MYH9: variants seen among roughly 807,000 people sequenced by gnomAD.
MYH9 encodes myosin heavy chain 9, also known as myosin-9.
A neutral mutation model predicts 241.9 loss-of-function variants in MYH9; 29 were observed. That is an observed-to-expected ratio of 0.12 (90% CI 0.09 to 0.16). The LOEUF (loss-of-function observed/expected upper bound fraction) is 0.16. Among genes scored for constraint, MYH9 ranks in the 10% least tolerant of loss-of-function variants. The pLI is 1.00. For synonymous variants in MYH9, 1,047 were observed against 1,062.6 expected, an observed-to-expected ratio of 0.99 and a Z score of 0.29; for missense variants, 1,803 against 2,595.5, an observed-to-expected ratio of 0.69 and a Z score of 6.63.
intron 2 of MYH9, among the ~76,000 whole-genome samples, chr22:36,342,672 C>T (rs1236967003): frequency 6.6e-6 from 1 of 152,108 alleles, no homozygotes; most frequent in Non-Finnish European, 1.5e-5. Context: ...GCAAGACTCC[C>T]AAGACCACCC....
chr22:36,318,660 C>T (rs979157061), intron 10 of MYH9, among the ~76,000 whole-genome samples: 11 of 152,168 alleles, frequency 7.2e-5, no homozygotes, highest in African/African-American at 9.7e-5. Context: ...CACTCTCAGC[C>T]GCACTCCTCA....
chr22:36,300,826 C>T lies in MYH9; in HGVS notation c.2838+25G>A. On this transcript the variant is annotated intron_variant, in intron 22 of 40. Transcript: ENST00000216181. This position sits in a 1 kb window ranked among gnomAD's most constrained non-coding sequence, Gnocchi z 5.0. Reference sequence around the variant, plus strand: ...CCGCCCTGCCCCTCCGGCGCCACCCCTCCCCGGGTGCAGCGGGCAGGAACC... The same window carrying T: ...CCGCCCTGCCCCTCCGGCGCCACCCTTCCCCGGGTGCAGCGGGCAGGAACC... The T allele has an allele frequency of 1.9e-6, 3 of 1,599,194 alleles. No individual in the cohort carries two copies. Among genetic ancestry groups the T allele is most frequent in the Non-Finnish European group, 2.5e-6 (3 of 1,179,826 alleles).
intron 1 of MYH9, among the ~76,000 whole-genome samples, chr22:36,358,822 C>A (rs142565040): frequency 6.6e-6 from 1 of 152,370 alleles, no homozygotes; most frequent in Non-Finnish European, 1.5e-5. Flanking sequence ...TATATGACTT[C>A]CTATTTCATT....
At position 36,312,037 on chromosome 22, in the gene MYH9, A is replaced by G. The variant is rs1403359539; in HGVS notation, c.1728+12T>C. On this transcript the variant is annotated intron_variant, in intron 14 of 40. Transcript: ENST00000216181. ...AAGATCTGGCCAGCACCTCCCCGTG[A>G]GCGCTCCTCACCTTGCCGGCATAGT... 1 of 1,613,530 alleles carries G rather than the reference A, an allele frequency of 6.2e-7. No individual in the cohort carries two copies. The highest frequency in any genetic ancestry group is 1.3e-5 in the African/African-American group (1 of 74,776).
chr22:36,320,936 G>A lies in MYH9; in HGVS notation c.770-40C>T, dbSNP rs2017239850. On this transcript the variant is annotated intron_variant, in intron 7 of 40. Coordinates refer to ENST00000216181, the MANE Select transcript of MYH9 (RefSeq NM_002473.6). This position sits in a 1 kb window ranked among gnomAD's most constrained non-coding sequence, Gnocchi z 4.8. ...AGGAGCAACACAAGCTGGGGAGAAG[G>A]CAAGCCCTCCACTTTCCTCATTTTT... 1.3e-6 allele frequency: 2 copies of A among 1,557,642 alleles called. No homozygotes were observed. The highest frequency in any genetic ancestry group is 2.2e-5 in the East Asian group (1 of 44,490).
In MYH9 at chr22:36,320,440, G is replaced by T. The variant is rs2017232286; in HGVS notation, c.869-77C>A. 4 of 1,579,626 alleles carry T rather than the reference G, an allele frequency of 2.5e-6. No individual in the cohort carries two copies. The highest frequency in any genetic ancestry group is 2.6e-6 in the Non-Finnish European group (3 of 1,160,492). ...CTCCATCAGCGCTGTGACCTCAAAG[G>T]TTGGAGAGACTGGGACAGACCCTGA... On this transcript the variant is annotated intron_variant, in intron 8 of 40. Transcript: ENST00000216181. This position sits in a 1 kb window ranked among gnomAD's most constrained non-coding sequence, Gnocchi z 4.8.
chr22:36,304,737 A>G (rs1415423385), intron 18 of MYH9, among the ~76,000 whole-genome samples: 3 of 152,242 alleles, frequency 2.0e-5, no homozygotes, highest in African/African-American at 7.2e-5. Flanking sequence ...CCCGTGAGCA[A>G]GAAAGCAGGA....
At chr22:36,370,884 G>A (rs1207502207) in intron 1 of MYH9, among the ~76,000 whole-genome samples, 2 of 152,290 alleles carry the variant, frequency 1.3e-5, no homozygotes, top group South Asian at 4.1e-4. Context: ...GGCAGGAGGG[G>A]CATTGATACT....
intron 1 of MYH9, among the ~76,000 whole-genome samples, chr22:36,357,533 A>G (rs536583777): frequency 1.3e-5 from 2 of 152,078 alleles, no homozygotes; most frequent in African/African-American, 4.8e-5. Flanking sequence ...ACAACCAAAT[A>G]CCTCTCCAGA....
intron 1 of MYH9, among the ~76,000 whole-genome samples, chr22:36,376,387 C>G (rs2018167424): frequency 6.6e-6 from 1 of 152,076 alleles, no homozygotes. Context: ...CTCCAGGAAC[C>G]TAGCTCAAGA....
intron 1 of MYH9, among the ~76,000 whole-genome samples, chr22:36,363,114 G>A (rs933679124): frequency 6.6e-6 from 1 of 152,094 alleles, no homozygotes; most frequent in Non-Finnish European, 1.5e-5. Flanking sequence ...AAAACCAAGT[G>A]GACATGCCAT....
chr22:36,312,069 T>C lies in MYH9; in HGVS notation c.1708A>G (p.Ile570Val), dbSNP rs1452836825. 3 of 1,614,068 alleles carry C rather than the reference T, an allele frequency of 1.9e-6. No homozygotes were observed. Among genetic ancestry groups the C allele is most frequent in the South Asian group, 2.2e-5 (2 of 91,086 alleles). ...KQLKDKADFC[I>V]IHYAGKVDYK... ...CTCACCTTGCCGGCATAGTGGATAA[T>C]GCAGAAATCAGCTTTGTCCTTCAGC... Residue 570 changes from isoleucine (I) to valine (V), a missense_variant, in exon 14 of 41, where the codon ATT becomes GTT. Transcript: ENST00000216181.
chr22:36,308,551 G>A (rs146378469), intron 15 of MYH9, among the ~76,000 whole-genome samples: 3 of 152,230 alleles, frequency 2.0e-5, no homozygotes, highest in East Asian at 1.9e-4. Context: ...TGGGATTACA[G>A]TGTTTTAAGA....
chr22:36,350,144 T>C (rs1459596447), intron 1 of MYH9, among the ~76,000 whole-genome samples: 1 of 152,228 alleles, frequency 6.6e-6, no homozygotes, highest in Non-Finnish European at 1.5e-5. Context: ...AGTGCTTCCC[T>C]TTGGGGACAC....
At chr22:36,291,683 T>TAA (rs66686435) in intron 31 of MYH9, among the ~76,000 whole-genome samples, 34 of 86,892 alleles carry the variant, frequency 3.9e-4, no homozygotes, top group Non-Finnish European at 6.8e-4. Flanking sequence ...ATAAAAAAAT[T>TAA]AAAAAAAAAA....
chr22:36,286,138 G>A, intron 35 of MYH9, 185 bp from the exon 36 acceptor site: 1 of 646,946 alleles, frequency 1.5e-6, no homozygotes, highest in Non-Finnish European at 2.7e-6. Context: ...AACACCATAT[G>A]TTTATAAAAC....
intron 31 of MYH9, among the ~76,000 whole-genome samples, chr22:36,290,004 C>A (rs192157097): frequency 1.3e-5 from 2 of 152,272 alleles, no homozygotes; most frequent in East Asian, 3.9e-4. Context: ...GGGGCCGGAT[C>A]CGGCTACCAC....
At chr22:36,382,305 T>C (rs1313038401) in intron 1 of MYH9, among the ~76,000 whole-genome samples, 2 of 150,506 alleles carry the variant, frequency 1.3e-5, no homozygotes, top group African/African-American at 4.9e-5. Flanking sequence ...TGAAACCCCA[T>C]TTCTATTAAA....
At position 36,304,067 on chromosome 22, in the gene MYH9, T is replaced by G; in HGVS notation, c.2318A>C (p.Glu773Ala). The G allele has an allele frequency of 1.2e-6, 2 of 1,613,826 alleles. No homozygotes were observed. Among genetic ancestry groups the G allele is most frequent in the Non-Finnish European group, 1.7e-6 (2 of 1,180,028 alleles). Residue 773 changes from glutamate (E) to alanine (A), a missense_variant, in exon 19 of 41, where the codon GAG becomes GCG. Glu to Ala is a moderately radical substitution (Grantham distance 107). This residue lies in a region of MYH9 where 72 missense variants were observed against 83.3 expected (regional missense o/e 0.86). Coordinates refer to ENST00000216181, the MANE Select transcript of MYH9 (RefSeq NM_002473.6). Reference sequence around the variant, plus strand: ...GTCGGTGATCTTCAGGTCTCGCTCCTCCTCCAGGTGGGCCAGCACACCGGC... The same window carrying G: ...GTCGGTGATCTTCAGGTCTCGCTCCGCCTCCAGGTGGGCCAGCACACCGGC... ...FRAGVLAHLE[E>A]ERDLKITDVI... is the part of the protein sequence containing the mutation.
Sources: allele counts gnomAD v4.1 joint callset (sites outside exome capture counted in the v4.1 genomes callset), GRCh38; gene constraint gnomAD v4.1.1; regional missense constraint gnomAD v4.1.1; non-coding constraint Gnocchi (gnomAD v3.1); transcripts MANE v1.5; gene names NCBI Gene and HGNC (gene_info 2026-07-23, HGNC 2026-07-21).